Variants in WASHC2C observed in about 807,000 individuals in gnomAD.
WASHC2C encodes Vaccinia Penetration Factor.
Under a neutral mutation model 142.2 loss-of-function variants are expected in WASHC2C, and 73 were observed. The ratio of observed to expected loss-of-function variants is 0.51; its 90% CI spans 0.43 to 0.62. The LOEUF is 0.62. Ranked by LOEUF, WASHC2C falls within the 20% of genes least tolerant of loss-of-function variation. The pLI is 0.00. For synonymous variants in WASHC2C, 337 were observed against 565.5 expected (o/e 0.60, Z 5.73); for missense variants, 969 against 1,531.7 (o/e 0.63, Z 6.13).
In WASHC2C at chr10:45,788,973, G is replaced by T. The variant is rs1225246653; in HGVS notation, c.3190G>T (p.Gly1064Ter). The stretch of plus-strand genomic sequence containing the variant: ...GGCTGAGGACATGAGCGTCCCCAGA[G>T]GACCCATTGCACAGTGGGCTGATGG... The part of the protein sequence containing the change: ...SEAEDMSVPR[G>*]PIAQWADGAI... The change falls in exon 29 of 31, where the codon GGA becomes TGA. Residue 1064 changes from glycine (G) to a stop codon, truncating the protein, a stop_gained. Coordinates refer to ENST00000623400, the MANE Select transcript of WASHC2C (RefSeq NM_001330074.2). LOFTEE classifies it high-confidence loss of function. 64 of 1,611,922 alleles carry T rather than the reference G, an allele frequency of 4.0e-5. No homozygotes were observed. Among genetic ancestry groups the T allele is most frequent in the Non-Finnish European group, 5.4e-5 (64 of 1,179,870 alleles).
At chr10:45,741,782 G>A (rs1431877897) in intron 5 of WASHC2C, among the ~76,000 whole-genome samples, 2 of 149,074 alleles carry the variant, frequency 1.3e-5, no homozygotes, top group Non-Finnish European at 3.0e-5. Context: ...CAAGGGTGGA[G>A]CACTTTCTTG....
In WASHC2C at chr10:45,789,117, G is replaced by T; in HGVS notation, c.3334G>T (p.Asp1112Tyr). The change falls in exon 29 of 31, where the codon GAC (aspartate) becomes TAC (tyrosine). Residue 1112 changes from aspartate to tyrosine, a missense_variant. Transcript: ENST00000623400. The stretch of plus-strand genomic sequence containing the variant: ...GGAAGGTGGTCCTGTGCCTGGAGTG[G>T]ACACAAGCCCCTTTGCAAAGTCTCT... ...PWEGGPVPGV[D>Y]TSPFAKSLGH... The T allele has an allele frequency of 1.2e-6, 2 of 1,612,068 alleles. No individual in the cohort carries two copies. The highest frequency in any genetic ancestry group is 1.7e-6 in the Non-Finnish European group (2 of 1,179,868).
chr10:45,762,846 C>A (rs1175795269), intron 17 of WASHC2C, among the ~76,000 whole-genome samples: 11 of 152,166 alleles, frequency 7.2e-5, no homozygotes, highest in African/African-American at 2.2e-4. Context: ...GCGGAGCTTT[C>A]AGTGAGCCGA....
In WASHC2C at chr10:45,727,485, G is replaced by A. The variant is rs781379561; in HGVS notation, c.72G>A (p.Ser24=). The change falls in exon 2 of 31, where the codon TCG becomes TCA. Residue 24 remains serine (S), a synonymous_variant. Coordinates refer to ENST00000623400, the MANE Select transcript of WASHC2C (RefSeq NM_001330074.2). The stretch of plus-strand genomic sequence containing the variant: ...AGCCCGTGTGGGAGCGGCCGTGGTC[G>A]GTGGAGGAGATCCGCAGGAGCAGCC... ...ASEPVWERPW[S]VEEIRRSSQS... The A allele has an allele frequency of 1.2e-5, 20 of 1,607,470 alleles. No individual in the cohort carries two copies. Among genetic ancestry groups the A allele is most frequent in the Admixed American group, 8.4e-5 (5 of 59,306 alleles).
intron 17 of WASHC2C, among the ~76,000 whole-genome samples, chr10:45,762,368 A>G (rs1162029361): frequency 9.9e-5 from 15 of 151,884 alleles, no homozygotes; most frequent in African/African-American, 3.4e-4. Flanking sequence ...ACCCACCACC[A>G]CACCTGGCTA....
chr10:45,773,892 C>CAAAAAAAAAAAAAAAAAAAA, intron 21 of WASHC2C, among the ~76,000 whole-genome samples: 1 of 31,078 alleles, frequency 3.2e-5, no homozygotes, highest in Non-Finnish European at 6.0e-5. Context: ...TACTGCAGGC[C>CAAAAAAAAAAAAAAAAAAAA]AAAAAAAAAA....
At chr10:45,738,109 T>G (rs1314008318) in intron 4 of WASHC2C, 64 bp downstream of exon 4, 32 of 1,611,734 alleles carry the variant, frequency 2.0e-5, no homozygotes, top group Non-Finnish European at 2.5e-5. Context: ...GAGATCGATG[T>G]GTTATGTGGG....
chr10:45,777,418 C>T lies in WASHC2C; in HGVS notation c.2288C>T (p.Ser763Leu). The T allele has an allele frequency of 6.2e-7, 1 of 1,610,030 alleles. No homozygotes were observed. The highest frequency in any genetic ancestry group is 8.5e-7 in the Non-Finnish European group (1 of 1,178,286). Residue 763 changes from serine (S) to leucine (L), a missense_variant, in exon 22 of 31, where the codon TCA (serine) becomes TTA (leucine). Transcript: ENST00000623400. ...LKFGRTDVAE[S>L]EKEGLLTRSA... is the part of the protein sequence containing the mutation. ...TTTGGGAGAACTGATGTGGCTGAGT[C>T]AGAAAAGGTGGACTTTTTTTCTTGT...
intron 17 of WASHC2C, among the ~76,000 whole-genome samples, chr10:45,762,008 T>TAA (rs1221402656): frequency 3.3e-4 from 47 of 141,732 alleles, no homozygotes; most frequent in Middle Eastern, 3.6e-3. Context: ...ACCCCATAAT[T>TAA]AAAAAAAAAA....
rs1244085027 is a variant in WASHC2C at position 45,785,007 on chromosome 10, C to T, written c.2688+106C>T. ...GGAAAATCCTAGGAGAGTCGTGCTG[C>T]TTCCTGCTAAATGAATGGCAAATAA... is the stretch of plus-strand genomic sequence containing the variant. On this transcript the variant is annotated intron_variant, in intron 25 of 30. Coordinates refer to ENST00000623400, the MANE Select transcript of WASHC2C (RefSeq NM_001330074.2). The T allele has an allele frequency of 2.5e-6, 4 of 1,607,524 alleles. No individual in the cohort carries two copies. The African/African-American group carries it at 5.4e-5, about 22-fold the overall frequency.
At chr10:45,730,053 A>G (rs1306109981) in intron 3 of WASHC2C, among the ~76,000 whole-genome samples, 4 of 140,734 alleles carry the variant, frequency 2.8e-5, no homozygotes, top group Non-Finnish European at 6.2e-5. Flanking sequence ...TTGAAAAATA[A>G]CAAGTATTCG....
rs2135839081 is a variant in WASHC2C, at chr10:45,790,648, T to G, written c.3886+115T>G. 12 of 1,104,718 alleles carry G rather than the reference T, an allele frequency of 1.1e-5. No individual in the cohort carries two copies. In the East Asian group the frequency reaches 2.7e-4, roughly 25 times the overall value. 68.4% of individuals were successfully genotyped at this position (1,104,718 alleles called of 1,614,324 possible). On this transcript the variant is annotated intron_variant, in intron 30 of 30. Transcript: ENST00000623400. ...GGAAAATGCACCCCAGCGGGTTCAC[T>G]TCAGTGTAATCCTGAGTTAGGCTGA...
chr10:45,759,548 G>C, intron 17 of WASHC2C, 147 bp downstream of exon 17: 1 of 1,450,946 alleles, frequency 6.9e-7, no homozygotes, highest in Non-Finnish European at 9.3e-7. Context: ...GGCAAGGAGT[G>C]GTGGTTCATG....
chr10:45,738,598 G>A (rs1178132459), intron 4 of WASHC2C, among the ~76,000 whole-genome samples: 7 of 152,084 alleles, frequency 4.6e-5, no homozygotes, highest in Middle Eastern at 3.2e-3. Flanking sequence ...ATTATTACTT[G>A]TAACAGATGA....
intron 6 of WASHC2C, among the ~76,000 whole-genome samples, chr10:45,744,538 G>T (rs1291066504): frequency 6.6e-6 from 1 of 151,452 alleles, no homozygotes; most frequent in African/African-American, 2.4e-5. Context: ...TTAATCTGAT[G>T]CCATTTCTCA....
intron 3 of WASHC2C, among the ~76,000 whole-genome samples, chr10:45,737,086 C>T (rs2051365822): frequency 6.7e-6 from 1 of 150,238 alleles, no homozygotes; most frequent in Non-Finnish European, 1.5e-5. Flanking sequence ...TCAAGAGTTC[C>T]TCCTGACTAA....
In WASHC2C at chr10:45,789,492, G is replaced by C. The variant is rs2058267113; in HGVS notation, c.3708+1G>C. The stretch of plus-strand genomic sequence containing the variant: ...ATTAACAACACAAGATATTTTTGAG[G>C]TAATAGGACTTAACACGTTTTTGTG... On this transcript the variant is annotated splice_donor_variant, in intron 29 of 30. Coordinates refer to ENST00000623400, the MANE Select transcript of WASHC2C (RefSeq NM_001330074.2). LOFTEE classifies it high-confidence loss of function. The C allele has an allele frequency of 1.2e-6, 2 of 1,611,934 alleles. No homozygotes were observed. The highest frequency in any genetic ancestry group is 1.3e-5 in the African/African-American group (1 of 74,866).
At chr10:45,761,046 C>G (rs2055005071) in intron 17 of WASHC2C, among the ~76,000 whole-genome samples, 2 of 152,020 alleles carry the variant, frequency 1.3e-5, no homozygotes. Context: ...AACTCAAAAA[C>G]CTAGTGGTTC....
Position 45,784,283 on chromosome 10 carries a change from T to TACACAC in WASHC2C, c.2479-281_2479-280insCACACA, listed in dbSNP as rs1284999333. The stretch of plus-strand genomic sequence containing the variant: ...ATATATATATATATATATATATATA[T>TACACAC]ATATATACACATATATATATATATA... On this transcript the variant is annotated intron_variant, in intron 23 of 30. Transcript: ENST00000623400. 3.0e-3 allele frequency among the ~76,000 whole-genome samples: 24 copies of TACACAC among 8,084 alleles called. 1 individual carries two copies. The highest frequency in any genetic ancestry group is 0.024 in the South Asian group (2 of 82). 5.3% of individuals were successfully genotyped at this position (8,084 alleles called of 152,430 possible).
Sources: gnomAD v4.1 joint callset for allele counts (sites outside exome capture counted in the v4.1 genomes callset) on GRCh38, gnomAD v4.1.1 for gene constraint, MANE v1.5 for transcripts, NCBI Gene and HGNC (gene_info 2026-07-23, HGNC 2026-07-21) for gene names.